The following SUSD2 variants were observed in gnomAD, a reference collection of about 807,000 sequenced individuals.
SUSD2 encodes sushi domain-containing protein 2.
Under a neutral mutation model 93.8 loss-of-function variants are expected in SUSD2, and 86 were observed. That is an observed-to-expected ratio of 0.92 (90% CI 0.77 to 1.10). The LOEUF (loss-of-function observed/expected upper bound fraction) is 1.10, where lower values mean the gene tolerates loss of function less well. Among genes scored for constraint, SUSD2 ranks in the 50% least tolerant of loss-of-function variants. The pLI, the probability that SUSD2 is intolerant of heterozygous loss-of-function variation, is 0.00. For missense variants in SUSD2, 1,060 were observed against 1,137.0 expected (o/e 0.93, Z 0.97); for synonymous variants, 483 against 485.0 (o/e 1.00, Z 0.05).
At chr22:24,185,018 A>G (rs2047351990) in intron 5 of SUSD2, 76 bp from the exon 6 acceptor site, 2 of 1,611,020 alleles carry the variant, frequency 1.2e-6, no homozygotes, top group Non-Finnish European at 8.5e-7. Flanking sequence ...TGGGCAGCCC[A>G]GGCTGGGGGT....
At chr22:24,184,417 G>A in intron 4 of SUSD2, 114 bp downstream of exon 4, 3 of 1,143,114 alleles carry the variant, frequency 2.6e-6, no homozygotes, top group Non-Finnish European at 2.5e-6. Context: ...GGTTGAGGAG[G>A]GAAGGGAATT....
Position 24,184,833 on chromosome 22 carries a change from C to T in SUSD2, c.675C>T (p.Pro225=), listed in dbSNP as rs757265586. The T allele has an allele frequency of 6.2e-7, 1 of 1,613,980 alleles. No individual in the cohort carries two copies. The highest frequency in any genetic ancestry group is 1.7e-5 in the Admixed American group (1 of 60,010). The change falls in exon 5 of 15, where the codon CCC becomes CCT. Residue 225 remains proline, a synonymous_variant. Transcript: ENST00000358321. Reference sequence around the variant, plus strand: ...TGTACCCCCTGGCCACACACATCCCCAACTCCGGCTCTTTCACTTTCACCC... The same window carrying T: ...TGTACCCCCTGGCCACACACATCCCTAACTCCGGCTCTTTCACTTTCACCC... ...SYLYPLATHI[P]NSGSFTFTPK...
rs763046508 is a variant in SUSD2, at chr22:24,187,350, G to A, written c.1791G>A (p.Gly597=). 1 of 1,613,950 alleles carries A rather than the reference G, an allele frequency of 6.2e-7. No individual in the cohort carries two copies. The highest frequency in any genetic ancestry group is 8.5e-7 in the Non-Finnish European group (1 of 1,180,024). ...KFLTHTHGLL[G]TLNNDPTDDF... ...TCACCCACACCCACGGCCTCCTCGG[G>A]ACACTCAACAACGACCCCACCGACG... The change falls in exon 11 of 15, where the codon GGG becomes GGA. Residue 597 remains glycine (G), a synonymous_variant. Transcript: ENST00000358321.
chr22:24,184,631 T>G (rs541867470), intron 4 of SUSD2, 135 bp from the exon 5 acceptor site: 4 of 702,018 alleles, frequency 5.7e-6, no homozygotes, highest in East Asian at 2.8e-5. Context: ...CAAGCCGGGG[T>G]CCCTGCTAGA....
rs761591399 is a variant in SUSD2, at chr22:24,183,276, G to A, written c.287+9G>A. The A allele has an allele frequency of 1.4e-5, 23 of 1,607,656 alleles. No homozygotes were observed. The highest frequency in any genetic ancestry group is 1.7e-5 in the Non-Finnish European group (20 of 1,176,088). ...GCCAGTGTGATCTGCAGGTTGGGAG[G>A]CCCAGGAGGCCGGGCACTGGGGCCC... On this transcript the variant is annotated intron_variant, in intron 2 of 14. Coordinates refer to ENST00000358321, the MANE Select transcript of SUSD2 (RefSeq NM_019601.4).
chr22:24,184,778 C>A lies in SUSD2; in HGVS notation c.620C>A (p.Ser207Ter). The A allele has an allele frequency of 6.3e-7, 1 of 1,599,724 alleles. No individual in the cohort carries two copies. Among genetic ancestry groups the A allele is most frequent in the South Asian group, 1.1e-5 (1 of 89,228 alleles). ...WGYEETGMPY[S>*]QEWTAKWSYL... ...TCCTCTCCCTCAGGAATGCCCTACT[C>A]ACAGGAGTGGACTGCAAAGTGGTCG... Residue 207 changes from serine (S) to a stop codon, truncating the protein, a stop_gained, in exon 5 of 15, where the codon TCA becomes TAA. Coordinates refer to ENST00000358321, the MANE Select transcript of SUSD2 (RefSeq NM_019601.4). LOFTEE classifies it high-confidence loss of function.
Position 24,182,913 on chromosome 22 carries a change from C to G in SUSD2, c.77-144C>G, listed in dbSNP as rs1052612558. The G allele has an allele frequency of 3.4e-3, 2,184 of 645,686 alleles. 33 individuals are homozygous for G. The African/African-American group carries it at 0.035, about 10-fold the overall frequency. The allele number at this position is 645,686 out of a possible 1,614,324, so 40.0% of individuals were successfully genotyped here. A position where few individuals can be genotyped will look rare whatever the true frequency, so the allele number is the denominator to read the frequency against. The stretch of plus-strand genomic sequence containing the variant: ...CCCTGTGGCTTTCTACTGTGTCCAC[C>G]TGGTGGCCTGTGCAGTTCCTGGCCA... On this transcript the variant is annotated intron_variant, in intron 1 of 14. Coordinates refer to ENST00000358321, the MANE Select transcript of SUSD2 (RefSeq NM_019601.4).
intron 9 of SUSD2, 39 bp downstream of exon 9, chr22:24,186,198 G>T: frequency 1.2e-6 from 2 of 1,609,536 alleles, no homozygotes; most frequent in Non-Finnish European, 8.5e-7. Context: ...TTGGCATGGG[G>T]TAGAACCAAG....
rs749892017 is a variant in SUSD2 at position 24,188,227 on chromosome 22, C to T, written c.2344C>T (p.Arg782Cys). The T allele has an allele frequency of 5.6e-6, 9 of 1,593,206 alleles. No individual in the cohort carries two copies. The highest frequency in any genetic ancestry group is 3.4e-5 in the Admixed American group (2 of 58,958). ...ACTGACACTCGCTCCCTCACCAGGA[C>T]GCAGCTACGCGGTGCTGTTGGGCAT... is the stretch of plus-strand genomic sequence containing the variant. ...SSPTPKCQPGRSYAVLLGIIF... is the reference protein window; with the variant it reads ...SSPTPKCQPGCSYAVLLGIIF... The change falls in exon 14 of 15, where the codon CGC becomes TGC. Residue 782 changes from arginine to cysteine, a missense_variant and splice_region_variant. Around this residue, in one of 2 missense-constraint regions of SUSD2, gnomAD observed 973 missense variants for 1,005.3 expected, o/e 0.97. Transcript: ENST00000358321. This position sits in a 1 kb window ranked among gnomAD's most constrained non-coding sequence, Gnocchi z 4.7.
At position 24,185,361 on chromosome 22, in the gene SUSD2, AG is replaced by A. The variant is rs1244006414; in HGVS notation, c.984+70del. 5.1e-6 allele frequency: 8 copies of A among 1,558,458 alleles called. No homozygotes were observed. The African/African-American group carries it at 1.1e-4, about 21-fold the overall frequency. ...TAGCCTCCCCACTGAGGACAGCACC[AG>A]GGGAGGCAGACAGAGGTGTCCTGGA... On this transcript the variant is annotated intron_variant, in intron 6 of 14. Transcript: ENST00000358321.
At chr22:24,183,835 C>G (rs1210698145) in intron 3 of SUSD2, 189 bp downstream of exon 3, 3 of 712,326 alleles carry the variant, frequency 4.2e-6, no homozygotes, top group Admixed American at 2.8e-5. Context: ...CGGTCCCAGC[C>G]CAGAGTGAGT....
rs1296308151 is a variant in SUSD2, at chr22:24,187,971, G to A, written c.2177G>A (p.Gly726Asp). The change falls in exon 13 of 15, where the codon GGC becomes GAC. Residue 726 changes from glycine to aspartate, a missense_variant. Gly to Asp is a moderately conservative substitution (Grantham distance 94, BLOSUM62 -1). Coordinates refer to ENST00000358321, the MANE Select transcript of SUSD2 (RefSeq NM_019601.4). Reference protein sequence around the residue: ...MQSLQPVVSCGWLAPPPNGQK... With the variant: ...MQSLQPVVSCDWLAPPPNGQK... ...GTCCCCATCCCAGTGGTGTCCTGTGGCTGGCTGGCCCCACCTCCCAACGGA... is the reference window on the plus strand; with the variant it reads ...GTCCCCATCCCAGTGGTGTCCTGTGACTGGCTGGCCCCACCTCCCAACGGA... The A allele has an allele frequency of 6.2e-7, 1 of 1,612,828 alleles. No individual in the cohort carries two copies. The highest frequency in any genetic ancestry group is 1.7e-5 in the Admixed American group (1 of 60,012).
At chr22:24,183,941 G>GT (rs1362125264) in intron 3 of SUSD2, 195 bp from the exon 4 acceptor site, 145 of 667,346 alleles carry the variant, frequency 2.2e-4, no homozygotes, top group Admixed American at 4.0e-4. Flanking sequence ...GGCTAGAGGC[G>GT]TGGGCAGTGG....
At chr22:24,183,001 A>G (rs1268680696) in intron 1 of SUSD2, 56 bp from the exon 2 acceptor site, 4 of 1,491,678 alleles carry the variant, frequency 2.7e-6, no homozygotes, top group South Asian at 1.2e-5. Flanking sequence ...GGCCCTGCAC[A>G]TGGGGCAGCC....
chr22:24,184,870 C>A lies in SUSD2; in HGVS notation c.712C>A (p.Pro238Thr). ...TTTCACTTTCACCCCAAAACCTGCT[C>A]CTCCCAGCTACCAGAGATGGCGAGT... ...GSFTFTPKPAPPSYQRWRVGA... is the reference protein window; with the variant it reads ...GSFTFTPKPATPSYQRWRVGA... The change falls in exon 5 of 15, where the codon CCT becomes ACT. Residue 238 changes from proline (P) to threonine (T), a missense_variant. This residue lies in a region of SUSD2 where 973 missense variants were observed against 1,005.3 expected (regional missense o/e 0.97). Transcript: ENST00000358321. 6.2e-7 allele frequency: 1 copy of A among 1,614,088 alleles called. No individual in the cohort carries two copies. Among genetic ancestry groups the A allele is most frequent in the East Asian group, 2.2e-5 (1 of 44,888 alleles).
In SUSD2 at chr22:24,185,699, CGGACG is replaced by C; in HGVS notation, c.1115_1119del (p.Gly372AlafsTer6). The C allele has an allele frequency of 6.2e-7, 1 of 1,610,718 alleles. No individual in the cohort carries two copies. Among genetic ancestry groups the C allele is most frequent in the Non-Finnish European group, 8.5e-7 (1 of 1,179,318 alleles). The stretch of plus-strand genomic sequence containing the variant: ...TCAGGTCAGCAGTGCTGCTACACAG[CGGACG>C]GGACGCAGCTCCTGACAGCTGACTC... On this transcript the variant is annotated frameshift_variant, in exon 8 of 15. Transcript: ENST00000358321. LOFTEE classifies it high-confidence loss of function.
At chr22:24,184,675 AT>A in intron 4 of SUSD2, 90 bp from the exon 5 acceptor site, 1 of 1,126,800 alleles carries the variant, frequency 8.9e-7, no homozygotes, top group Non-Finnish European at 1.3e-6. Flanking sequence ...CTGGCGGTCC[AT>A]CCACCCATCT....
rs1307049687 is a variant in SUSD2 at position 24,186,296 on chromosome 22, T to A, written c.1523T>A (p.Val508Asp). Residue 508 changes from valine (V) to aspartate (D), a missense_variant, in exon 10 of 15, where the codon GTC becomes GAC. By Grantham distance (152) the Val-to-Asp change is radical. This residue lies in a region of SUSD2 where 973 missense variants were observed against 1,005.3 expected (regional missense o/e 0.97). Transcript: ENST00000358321. ...GGCACTGGGCTGACCGCAGTGGCCG[T>A]CCAGGAGGGCAACTCAGATGTGGTG... is the stretch of plus-strand genomic sequence containing the variant. ...TRGTGLTAVAVQEGNSDVVEV... is the reference protein window; with the variant it reads ...TRGTGLTAVADQEGNSDVVEV... The A allele has an allele frequency of 3.7e-6, 6 of 1,613,760 alleles. No homozygotes were observed. Among genetic ancestry groups the A allele is most frequent in the Non-Finnish European group, 5.1e-6 (6 of 1,180,028 alleles).
chr22:24,186,863 C>T, intron 10 of SUSD2: 1 of 447,142 alleles, frequency 2.2e-6, no homozygotes, highest in Non-Finnish European at 4.1e-6. Context: ...TGGGTGAGGA[C>T]CTGGGAGGGG....
Sources: allele counts gnomAD v4.1 joint callset, GRCh38; gene constraint gnomAD v4.1.1; regional missense constraint gnomAD v4.1.1; non-coding constraint Gnocchi (gnomAD v3.1); transcripts MANE v1.5; gene names NCBI Gene and HGNC (gene_info 2026-07-23, HGNC 2026-07-21).